The following OSBPL1A variants were observed in gnomAD, a reference collection of about 807,000 sequenced individuals.
OSBPL1A encodes oxysterol-binding protein-related protein 1.
Under a neutral mutation model 137.1 loss-of-function variants are expected in OSBPL1A, and 80 were observed. The ratio of observed to expected loss-of-function variants is 0.58; its 90% CI spans 0.49 to 0.70. OSBPL1A has a LOEUF of 0.70. Among genes scored for constraint, OSBPL1A ranks in the 30% least tolerant of loss-of-function variants. The pLI, the probability that OSBPL1A is intolerant of heterozygous loss-of-function variation, is 0.00. For synonymous variants in OSBPL1A, 365 were observed against 389.7 expected, an observed-to-expected ratio of 0.94 and a Z score of 0.75; for missense variants, 970 against 1,129.4, an observed-to-expected ratio of 0.86 and a Z score of 2.02.
At chr18:24,390,694 CAAAAAAAAAAAAAA>C (rs751432894) in intron 1 of OSBPL1A, among the ~76,000 whole-genome samples, 3 of 56,202 alleles carry the variant, frequency 5.3e-5, no homozygotes, top group African/African-American at 7.1e-5. Flanking sequence ...GACTCCGTCT[CAAAAAAAAAAAAAA>C]AAAAAAAAAA....
At chr18:24,192,483 G>A (rs1043874637) in intron 18 of OSBPL1A, among the ~76,000 whole-genome samples, 8 of 152,216 alleles carry the variant, frequency 5.3e-5, no homozygotes, top group Non-Finnish European at 8.8e-5. Context: ...TTGAATTCCA[G>A]TTAGGTAAAG....
intron 21 of OSBPL1A, 64 bp from the exon 22 acceptor site, chr18:24,172,547 T>G: frequency 8.8e-7 from 1 of 1,142,806 alleles, no homozygotes; most frequent in Non-Finnish European, 1.3e-6. Flanking sequence ...AAAAGTACAC[T>G]TGTTCCAAAT....
At chr18:24,185,798 A>G (rs1029990207) in intron 18 of OSBPL1A, among the ~76,000 whole-genome samples, 1 of 152,212 alleles carries the variant, frequency 6.6e-6, no homozygotes, top group Non-Finnish European at 1.5e-5. Context: ...TAGGCCAAGC[A>G]TGGTGGCTCA....
At chr18:24,244,836 C>T (rs530199199) in intron 15 of OSBPL1A, among the ~76,000 whole-genome samples, 4 of 152,332 alleles carry the variant, frequency 2.6e-5, no homozygotes, top group African/African-American at 4.8e-5. Flanking sequence ...CGTTACTTAC[C>T]TGTGTTTCAC....
chr18:24,224,220 G>A (rs28635795), intron 17 of OSBPL1A, among the ~76,000 whole-genome samples: 20,251 of 151,854 alleles, frequency 0.13, 2,969 homozygotes, highest in African/African-American at 0.37. Flanking sequence ...TTCTAGAACA[G>A]TAGTCAAAAC....
At chr18:24,289,416 C>CTT (rs2090133258) in intron 14 of OSBPL1A, among the ~76,000 whole-genome samples, 2 of 96,878 alleles carry the variant, frequency 2.1e-5, no homozygotes, top group African/African-American at 7.5e-5. Context: ...TTGTTTTTTC[C>CTT]TGTTTTTTTT....
chr18:24,237,917 T>G (rs2146006292), intron 16 of OSBPL1A, among the ~76,000 whole-genome samples: 1 of 152,336 alleles, frequency 6.6e-6, no homozygotes, highest in South Asian at 2.1e-4. Flanking sequence ...AATCCCTTAT[T>G]TAATTGACAA....
chr18:24,358,483 T>C (rs1347715862), intron 4 of OSBPL1A: 6 of 702,260 alleles, frequency 8.5e-6, no homozygotes, highest in Admixed American at 2.0e-5. Context: ...TGCCCACTCA[T>C]CTCCATCTCA....
At chr18:24,325,352 T>C (rs1181363082) in intron 7 of OSBPL1A, among the ~76,000 whole-genome samples, 1 of 152,200 alleles carries the variant, frequency 6.6e-6, no homozygotes, top group Non-Finnish European at 1.5e-5. Flanking sequence ...TGCTATCCAC[T>C]CTTCTCCAGC....
intron 24 of OSBPL1A, 90 bp downstream of exon 24, chr18:24,170,237 C>T (rs1025854319): frequency 2.8e-6 from 4 of 1,429,098 alleles, no homozygotes; most frequent in Non-Finnish European, 3.8e-6. Flanking sequence ...GAAAGTTAAA[C>T]TGTGACCCTA....
At chr18:24,258,165 C>T (rs554369722) in intron 15 of OSBPL1A, among the ~76,000 whole-genome samples, 87 of 152,310 alleles carry the variant, frequency 5.7e-4, no homozygotes, top group Non-Finnish European at 1.1e-3. Context: ...GATATCTGCA[C>T]TCCCATGTTT....
chr18:24,166,580 T>C lies in OSBPL1A; in HGVS notation c.2658A>G (p.Ile886Met), dbSNP rs766509674. 1.9e-6 allele frequency: 3 copies of C among 1,608,068 alleles called. No individual in the cohort carries two copies. Among genetic ancestry groups the C allele is most frequent in the Non-Finnish European group, 2.5e-6 (3 of 1,178,248 alleles). ...GTGGCTTTGGCGGATGCTAGTTACC[T>C]ATCTCTCCATTTTCCATGGCTCTGA... The part of the protein sequence containing the change: ...PDIRAMENGE[I>M]DQASEEKKRL... Residue 886 changes from isoleucine (I) to methionine (M), a missense_variant and splice_region_variant, in exon 26 of 28, where the codon ATA (isoleucine) becomes ATG (methionine). Ile to Met is a conservative substitution (Grantham distance 10). Coordinates refer to ENST00000319481, the MANE Select transcript of OSBPL1A (RefSeq NM_080597.4).
chr18:24,222,784 T>C (rs1264399361), intron 17 of OSBPL1A, among the ~76,000 whole-genome samples: 1 of 150,822 alleles, frequency 6.6e-6, no homozygotes, highest in African/African-American at 2.5e-5. Flanking sequence ...TATAATATTC[T>C]CTTTTCTCAT....
At chr18:24,263,554 C>T (rs565013153) in intron 15 of OSBPL1A, among the ~76,000 whole-genome samples, 1 of 152,276 alleles carries the variant, frequency 6.6e-6, no homozygotes, top group South Asian at 2.1e-4. Context: ...TACTTGGGTC[C>T]TTGACATTAC....
intron 4 of OSBPL1A, chr18:24,366,415 T>C: frequency 6.6e-6 from 1 of 152,420 alleles, no homozygotes; most frequent in Non-Finnish European, 1.5e-5. Flanking sequence ...AAAGTTCGGC[T>C]GAAAGTCCCA....
chr18:24,213,571 GATAATA>G (rs978153106), intron 17 of OSBPL1A, among the ~76,000 whole-genome samples: 1 of 151,714 alleles, frequency 6.6e-6, no homozygotes, highest in Non-Finnish European at 1.5e-5. Context: ...GTCTCAAAAT[GATAATA>G]ATAATAATAA....
chr18:24,194,222 C>G (rs1210958225), intron 18 of OSBPL1A, among the ~76,000 whole-genome samples: 4 of 152,194 alleles, frequency 2.6e-5, no homozygotes, highest in African/African-American at 9.7e-5. Flanking sequence ...AATAACCTTA[C>G]AAAGATACAG....
At chr18:24,252,130 G>C (rs1292797598) in intron 15 of OSBPL1A, among the ~76,000 whole-genome samples, 1 of 152,154 alleles carries the variant, frequency 6.6e-6, no homozygotes, top group Non-Finnish European at 1.5e-5. Flanking sequence ...AGAGGAGGTA[G>C]AGAAAGAGGG....
chr18:24,325,242 T>C (rs1045151341), intron 7 of OSBPL1A, among the ~76,000 whole-genome samples: 1 of 152,118 alleles, frequency 6.6e-6, no homozygotes. Context: ...ACTCTCACAT[T>C]CACTTTGCTG....
Sources: allele counts gnomAD v4.1 joint callset (sites outside exome capture counted in the v4.1 genomes callset), GRCh38; gene constraint gnomAD v4.1.1; transcripts MANE v1.5; gene names NCBI Gene and HGNC (gene_info 2026-07-23, HGNC 2026-07-21).